PIP5K1B: variants seen among roughly 807,000 people sequenced by gnomAD.
PIP5K1B encodes the protein phosphatidylinositol 4-phosphate 5-kinase type-1 beta.
Under a neutral mutation model 67.0 loss-of-function variants are expected in PIP5K1B, and 42 were observed. The observed-to-expected ratio is 0.63, with a 90% confidence interval of 0.49 to 0.81. PIP5K1B has a LOEUF of 0.81. PIP5K1B is among the 30% of genes least tolerant of loss of function. The pLI, the probability that PIP5K1B is intolerant of heterozygous loss-of-function variation, is 0.00. For missense variants in PIP5K1B, 459 were observed against 646.3 expected (o/e 0.71, Z 3.14); for synonymous variants, 214 against 231.4 (o/e 0.92, Z 0.68).
intron 2 of PIP5K1B, among the ~76,000 whole-genome samples, chr9:68,767,708 G>C (rs2132411770): frequency 6.6e-6 from 1 of 151,846 alleles, no homozygotes; most frequent in African/African-American, 2.4e-5. Context: ...GGAGAAGCTA[G>C]TCCACATATT....
intron 1 of PIP5K1B, among the ~76,000 whole-genome samples, chr9:68,716,653 CACTGTGGAAA>C (rs900615558): frequency 1.3e-5 from 2 of 152,248 alleles, no homozygotes; most frequent in Admixed American, 1.3e-4. Context: ...TTTGTTCAGC[CACTGTGGAAA>C]ACAGTGAGAA....
intron 14 of PIP5K1B, among the ~76,000 whole-genome samples, chr9:68,981,900 A>G (rs58602337): frequency 0.1 from 15,859 of 152,000 alleles, 1,004 homozygotes; most frequent in East Asian, 0.31. Flanking sequence ...CTCCTCCTGT[A>G]CTGCTCTCAC....
rs1259632547 is a variant in PIP5K1B at position 68,742,629 on chromosome 9, T to G, written c.-114T>G. 6.6e-6 allele frequency: 1 copy of G among 152,252 alleles called. No homozygotes were observed. The highest frequency in any genetic ancestry group is 1.5e-5 in the Non-Finnish European group (1 of 68,056). 9.4% of individuals were successfully genotyped at this position (152,252 alleles called of 1,614,324 possible). A position where few individuals can be genotyped will look rare whatever the true frequency, so the allele number is the denominator to read the frequency against. On this transcript the variant is annotated 5_prime_UTR_variant, in exon 2 of 16. Transcript: ENST00000265382. The stretch of plus-strand genomic sequence containing the variant: ...GCCTTTTCTCTTCCTGCTTCATCTC[T>G]AAAGGTCCTTCTAGGAGAGAGGTGA...
At chr9:68,815,637 G>A (rs1488450096) in intron 2 of PIP5K1B, among the ~76,000 whole-genome samples, 1 of 151,940 alleles carries the variant, frequency 6.6e-6, no homozygotes, top group African/African-American at 2.4e-5. Flanking sequence ...CCCGAGAGGA[G>A]TTATAAACAG....
At chr9:68,980,706 T>A (rs570477382) in intron 14 of PIP5K1B, among the ~76,000 whole-genome samples, 7 of 152,292 alleles carry the variant, frequency 4.6e-5, no homozygotes, top group African/African-American at 1.7e-4. Context: ...TTGCCCAGCA[T>A]TGTAACCAGT....
intron 2 of PIP5K1B, among the ~76,000 whole-genome samples, chr9:68,758,320 G>A (rs1340412580): frequency 6.6e-6 from 1 of 152,114 alleles, no homozygotes; most frequent in African/African-American, 2.4e-5. Context: ...GGAATTATCT[G>A]ACAGACTTTT....
At chr9:68,765,915 C>T (rs1352464351) in intron 2 of PIP5K1B, among the ~76,000 whole-genome samples, 1 of 152,094 alleles carries the variant, frequency 6.6e-6, no homozygotes, top group Non-Finnish European at 1.5e-5. Flanking sequence ...CTAGCAGTTC[C>T]ACTGCTGGAA....
intron 2 of PIP5K1B, among the ~76,000 whole-genome samples, chr9:68,745,167 C>G (rs985639299): frequency 2.0e-5 from 3 of 152,186 alleles, no homozygotes; most frequent in African/African-American, 7.2e-5. Context: ...GCCTCATGCT[C>G]TCCAGGTAGT....
intron 2 of PIP5K1B, chr9:68,781,544 A>G (rs1831279305): frequency 6.0e-6 from 1 of 166,964 alleles, no homozygotes; most frequent in Non-Finnish European, 1.5e-5. Context: ...TTACCCAGGA[A>G]TTCTTGGATA....
intron 8 of PIP5K1B, among the ~76,000 whole-genome samples, chr9:68,897,941 A>T (rs1389729630): frequency 1.3e-5 from 2 of 152,148 alleles, no homozygotes; most frequent in East Asian, 1.9e-4. Flanking sequence ...CCTGACTGCC[A>T]ATCAGAGCTG....
chr9:68,956,982 A>C (rs945966879), intron 14 of PIP5K1B, among the ~76,000 whole-genome samples: 4 of 152,202 alleles, frequency 2.6e-5, no homozygotes, highest in African/African-American at 7.2e-5. Flanking sequence ...AAAAAGATGA[A>C]GAAGCAATGG....
At chr9:68,755,750 G>A (rs546184391) in intron 2 of PIP5K1B, among the ~76,000 whole-genome samples, 2 of 152,322 alleles carry the variant, frequency 1.3e-5, no homozygotes, top group Admixed American at 6.5e-5. Context: ...TGGGCTGTGG[G>A]AATCTGAAGT....
chr9:68,996,362 G>C (rs1247782375), intron 15 of PIP5K1B, among the ~76,000 whole-genome samples: 1 of 152,094 alleles, frequency 6.6e-6, no homozygotes, highest in African/African-American at 2.4e-5. Flanking sequence ...CTTTTTAAAG[G>C]CCATTCACCT....
intron 1 of PIP5K1B, among the ~76,000 whole-genome samples, chr9:68,717,667 C>A (rs1222987186): frequency 2.0e-5 from 3 of 152,104 alleles, no homozygotes; most frequent in African/African-American, 7.2e-5. Flanking sequence ...ACCCTATGAC[C>A]TAATCACCTC....
chr9:68,867,592 C>A (rs1248433511), intron 5 of PIP5K1B, among the ~76,000 whole-genome samples: 2 of 152,218 alleles, frequency 1.3e-5, no homozygotes, highest in African/African-American at 4.8e-5. Context: ...AGTCAAAAAA[C>A]CCCTATAAAG....
intron 4 of PIP5K1B, among the ~76,000 whole-genome samples, chr9:68,858,731 T>C (rs2132240558): frequency 6.6e-6 from 1 of 152,348 alleles, no homozygotes; most frequent in East Asian, 1.9e-4. Context: ...TTGGCCATAA[T>C]CCCAACATTT....
Position 68,894,490 on chromosome 9 carries a change from C to T in PIP5K1B, c.623C>T (p.Thr208Met), listed in dbSNP as rs766949478. The T allele has an allele frequency of 2.0e-5, 33 of 1,613,948 alleles. No homozygotes were observed. Among genetic ancestry groups the T allele is most frequent in the African/African-American group, 6.7e-5 (5 of 74,888 alleles). Reference protein sequence around the residue: ...MHFTYDLKGSTYKRRASRKER... With the variant: ...MHFTYDLKGSMYKRRASRKER... The stretch of plus-strand genomic sequence containing the variant: ...TTTACATATGACTTGAAAGGCTCAA[C>T]GTATAAGCGAAGAGCATCCCGTAAA... The change falls in exon 8 of 16, where the codon ACG (threonine) becomes ATG (methionine). Residue 208 changes from threonine to methionine, a missense_variant. This residue lies in a region of PIP5K1B where 290 missense variants were observed against 474.4 expected (regional missense o/e 0.61). Transcript: ENST00000265382.
At chr9:68,812,395 C>G (rs922539324) in intron 2 of PIP5K1B, among the ~76,000 whole-genome samples, 2 of 152,124 alleles carry the variant, frequency 1.3e-5, no homozygotes, top group Non-Finnish European at 2.9e-5. Flanking sequence ...AATCCAGATA[C>G]TAAATACCAG....
intron 12 of PIP5K1B, among the ~76,000 whole-genome samples, chr9:68,932,798 G>C (rs1827065377): frequency 6.6e-6 from 1 of 152,098 alleles, no homozygotes; most frequent in Non-Finnish European, 1.5e-5. Flanking sequence ...GAGATCCTCT[G>C]ATTTAGAAGT....
Sources: allele counts gnomAD v4.1 joint callset (sites outside exome capture counted in the v4.1 genomes callset), GRCh38; gene constraint gnomAD v4.1.1; regional missense constraint gnomAD v4.1.1; transcripts MANE v1.5; gene names NCBI Gene and HGNC (gene_info 2026-07-23, HGNC 2026-07-21).